PDE9A: variants seen among roughly 807,000 people sequenced by gnomAD.
PDE9A encodes phosphodiesterase 9A, also known as high affinity cGMP-specific 3',5'-cyclic phosphodiesterase 9A.
In PDE9A, 60 loss-of-function variants were observed where a neutral mutation model predicts 87.4. The ratio of observed to expected loss-of-function variants is 0.69; its 90% CI spans 0.56 to 0.85. The LOEUF (loss-of-function observed/expected upper bound fraction) is 0.85. PDE9A is among the 40% of genes least tolerant of loss of function. The pLI, the probability that PDE9A is intolerant of heterozygous loss-of-function variation, is 0.00. For missense variants in PDE9A, 665 were observed against 779.0 expected, an observed-to-expected ratio of 0.85 and a Z score of 1.74; for synonymous variants, 272 against 279.4, an observed-to-expected ratio of 0.97 and a Z score of 0.27.
intron 6 of PDE9A, among the ~76,000 whole-genome samples, chr21:42,732,835 A>T (rs1324735470): frequency 6.6e-6 from 1 of 152,074 alleles, no homozygotes; most frequent in Non-Finnish European, 1.5e-5. Flanking sequence ...AATCACTTGA[A>T]CCCGGGAGGT....
At chr21:42,773,245 GT>G in intron 19 of PDE9A, among the ~76,000 whole-genome samples, 1 of 126,552 alleles carries the variant, frequency 7.9e-6, no homozygotes, top group East Asian at 2.4e-4. Flanking sequence ...CTGGAGAACA[GT>G]GAGACTCCAT....
chr21:42,768,668 G>A lies in PDE9A; in HGVS notation c.1462-359G>A. 3.0e-6 allele frequency: 3 copies of A among 985,470 alleles called. 1 individual carries two copies. The South Asian group carries it at 1.4e-4, about 46-fold the overall frequency. The allele number at this position is 985,470 out of a possible 1,614,324, so 61.0% of individuals were successfully genotyped here. Reference sequence around the variant, plus strand: ...GCTCACACAGATGGCCACGGGGAAGGTCGGGGACATAGAAAACCAAGCCAG... The same window carrying A: ...GCTCACACAGATGGCCACGGGGAAGATCGGGGACATAGAAAACCAAGCCAG... On this transcript the variant is annotated intron_variant, in intron 16 of 19. Coordinates refer to ENST00000291539, the MANE Select transcript of PDE9A (RefSeq NM_002606.3).
intron 4 of PDE9A, among the ~76,000 whole-genome samples, chr21:42,715,728 G>A (rs944223842): frequency 4.0e-5 from 6 of 151,726 alleles, no homozygotes; most frequent in African/African-American, 9.7e-5. Context: ...TCTCAGGGCT[G>A]TACATTCCCT....
At chr21:42,729,951 G>C (rs967518638) in intron 4 of PDE9A, among the ~76,000 whole-genome samples, 2 of 152,088 alleles carry the variant, frequency 1.3e-5, no homozygotes, top group African/African-American at 4.8e-5. Flanking sequence ...TGCTCTGTAG[G>C]TGCCTGAAAT....
intron 1 of PDE9A, among the ~76,000 whole-genome samples, chr21:42,662,218 C>T (rs947446409): frequency 1.1e-4 from 17 of 151,960 alleles, no homozygotes; most frequent in Non-Finnish European, 4.4e-5. Flanking sequence ...GGTGGAGACC[C>T]GGGCGCCACC....
intron 8 of PDE9A, 51 bp downstream of exon 8, chr21:42,743,911 G>C (rs189276259): frequency 4.8e-5 from 49 of 1,031,328 alleles, no homozygotes; most frequent in African/African-American, 4.4e-4. Context: ...AGGGCTCCCC[G>C]TACCAGTTGG....
chr21:42,724,500 A>C, intron 4 of PDE9A: 1 of 577,576 alleles, frequency 1.7e-6, no homozygotes, highest in South Asian at 7.6e-5. Flanking sequence ...CTGTTTGTGG[A>C]TGCGTGGGTG....
In PDE9A at chr21:42,653,734, C is replaced by CCG. The variant is rs2056817803; in HGVS notation, c.-81_-80insCG. On this transcript the variant is annotated 5_prime_UTR_variant, in exon 1 of 20. Transcript: ENST00000291539. ...GGCCGCCCCCCGCCCGCCCCCTCCCCTGCTCCCCTCCCCCGCCTCCCGCGG... is the reference window on the plus strand; with the variant it reads ...GGCCGCCCCCCGCCCGCCCCCTCCCCCGTGCTCCCCTCCCCCGCCTCCCGCGG... 1 of 645,756 alleles carries CCG rather than the reference C, an allele frequency of 1.5e-6. No homozygotes were observed. The highest frequency in any genetic ancestry group is 2.8e-5 in the Admixed American group (1 of 35,882). 40.0% of individuals were successfully genotyped at this position (645,756 alleles called of 1,614,324 possible).
chr21:42,758,811 G>GGTC, intron 10 of PDE9A, 188 bp from the exon 11 acceptor site: 1 of 561,008 alleles, frequency 1.8e-6, no homozygotes, highest in South Asian at 2.1e-5. Flanking sequence ...TGGAAAGGCT[G>GGTC]GTCTGAAGAC....
At position 42,758,761 on chromosome 21, in the gene PDE9A, C is replaced by A. The variant is rs112053677; in HGVS notation, c.811-238C>A. On this transcript the variant is annotated intron_variant, in intron 10 of 19. Coordinates refer to ENST00000291539, the MANE Select transcript of PDE9A (RefSeq NM_002606.3). Reference sequence around the variant, plus strand: ...GCCCCAGGATCCACCTGCCAGGAGACCCCCAGTGTGCTCTCAAACCCCCAC... The same window carrying A: ...GCCCCAGGATCCACCTGCCAGGAGAACCCCAGTGTGCTCTCAAACCCCCAC... 43 of 486,262 alleles carry A rather than the reference C, an allele frequency of 8.8e-5. 1 individual carries two copies. The highest frequency in any genetic ancestry group is 1.1e-3 in the Middle Eastern group (2 of 1,758). 30.1% of individuals were successfully genotyped at this position (486,262 alleles called of 1,614,324 possible).
chr21:42,745,309 G>A (rs73362689), intron 8 of PDE9A, among the ~76,000 whole-genome samples: 87 of 152,328 alleles, frequency 5.7e-4, no homozygotes, highest in African/African-American at 1.8e-3. Context: ...TACAGGGACC[G>A]TGCCACGTGT....
intron 1 of PDE9A, among the ~76,000 whole-genome samples, chr21:42,656,060 C>T (rs907376775): frequency 3.9e-5 from 6 of 152,198 alleles, no homozygotes; most frequent in African/African-American, 9.6e-5. Flanking sequence ...CTTTCAGTGC[C>T]GCTGCCATCA....
chr21:42,672,429 C>G (rs529776832), intron 1 of PDE9A, among the ~76,000 whole-genome samples: 2 of 152,372 alleles, frequency 1.3e-5, no homozygotes, highest in South Asian at 4.1e-4. Context: ...CGAGTGTGGT[C>G]TCAGTCCCCA....
At chr21:42,655,866 C>T (rs1346093762) in intron 1 of PDE9A, among the ~76,000 whole-genome samples, 5 of 151,906 alleles carry the variant, frequency 3.3e-5, no homozygotes, top group African/African-American at 1.2e-4. Flanking sequence ...GAGCTGCCCC[C>T]GCCCTCTGCC....
chr21:42,740,970 T>A (rs2053186682), intron 7 of PDE9A: 1 of 152,186 alleles, frequency 6.6e-6, no homozygotes, highest in South Asian at 2.1e-4. Context: ...GATAATAGGA[T>A]ATTTTATATT....
chr21:42,770,458 C>T (rs1390996994), intron 17 of PDE9A, among the ~76,000 whole-genome samples: 1 of 152,180 alleles, frequency 6.6e-6, no homozygotes, highest in Non-Finnish European at 1.5e-5. Flanking sequence ...GTCCCCCACC[C>T]TCATCTCACG....
intron 3 of PDE9A, among the ~76,000 whole-genome samples, chr21:42,693,456 G>A (rs1267326251): frequency 1.3e-5 from 2 of 148,882 alleles, no homozygotes; most frequent in African/African-American, 2.5e-5. Flanking sequence ...CCGCCACCAC[G>A]CCCAGCTAAT....
At chr21:42,681,623 G>T (rs1396966153) in intron 1 of PDE9A, among the ~76,000 whole-genome samples, 7 of 152,042 alleles carry the variant, frequency 4.6e-5, no homozygotes, top group Non-Finnish European at 8.8e-5. Context: ...AATTTCCAGT[G>T]GGGGAGCCGC....
At chr21:42,656,439 G>C (rs138471673) in intron 1 of PDE9A, among the ~76,000 whole-genome samples, 2 of 152,358 alleles carry the variant, frequency 1.3e-5, no homozygotes, top group Non-Finnish European at 2.9e-5. Context: ...GCCGAGTTCT[G>C]TGCTCCGGCA....
Sources: gnomAD v4.1 joint callset for allele counts (sites outside exome capture counted in the v4.1 genomes callset) on GRCh38, gnomAD v4.1.1 for gene constraint, MANE v1.5 for transcripts, NCBI Gene and HGNC (gene_info 2026-07-23, HGNC 2026-07-21) for gene names.